The following REDIC1 variants were observed in gnomAD, a reference collection of about 807,000 sequenced individuals.
REDIC1 encodes regulator of DNA class I crossover intermediates 1.
chr12:39,750,745 A>G, the REDIC1 span, among the ~76,000 whole-genome samples: 1 of 152,226 alleles, frequency 6.6e-6, no homozygotes, highest in Non-Finnish European at 1.5e-5. Context: ...CAGAGCCCTC[A>G]GAAATAATGC....
the REDIC1 span, among the ~76,000 whole-genome samples, chr12:39,801,626 G>A: frequency 6.6e-6 from 1 of 152,102 alleles, no homozygotes; most frequent in African/African-American, 2.4e-5. Flanking sequence ...GGAAAAAGAG[G>A]GTAGAATTAG....
At chr12:39,855,146 C>T in the REDIC1 span, among the ~76,000 whole-genome samples, 2 of 152,122 alleles carry the variant, frequency 1.3e-5, no homozygotes, top group African/African-American at 4.8e-5. Flanking sequence ...GGTGTTGAAA[C>T]TATGGTATTA....
At chr12:39,655,012 T>A in the REDIC1 span, among the ~76,000 whole-genome samples, 3 of 152,358 alleles carry the variant, frequency 2.0e-5, no homozygotes, top group South Asian at 2.1e-4. Context: ...CATGATTTGT[T>A]GGCATGAAGT....
the REDIC1 span, among the ~76,000 whole-genome samples, chr12:39,729,751 C>G: frequency 3.9e-5 from 6 of 152,150 alleles, no homozygotes; most frequent in South Asian, 6.2e-4. Flanking sequence ...CTAATATTGA[C>G]AGTGGGGTGC....
At chr12:39,672,263 C>T in the REDIC1 span, among the ~76,000 whole-genome samples, 1 of 152,016 alleles carries the variant, frequency 6.6e-6, no homozygotes, top group Non-Finnish European at 1.5e-5. Flanking sequence ...GTTCTCAGGG[C>T]CCCTGATGGT....
the REDIC1 span, among the ~76,000 whole-genome samples, chr12:39,833,392 C>G: frequency 6.6e-6 from 1 of 152,026 alleles, no homozygotes; most frequent in Admixed American, 6.6e-5. Flanking sequence ...AACTGCTCTG[C>G]TACCTCAAAG....
the REDIC1 span, chr12:39,644,043 T>C: frequency 2.7e-6 from 2 of 745,928 alleles, no homozygotes; most frequent in Non-Finnish European, 4.2e-6. Flanking sequence ...TTGGTTGCTC[T>C]CTTAAATTAG....
chr12:39,848,706 A>G, the REDIC1 span, among the ~76,000 whole-genome samples: 1 of 152,200 alleles, frequency 6.6e-6, no homozygotes, highest in Admixed American at 6.5e-5. Context: ...ATTCTACCAT[A>G]AAGACACATG....
the REDIC1 span, among the ~76,000 whole-genome samples, chr12:39,664,034 C>T: frequency 6.6e-6 from 1 of 151,696 alleles, no homozygotes; most frequent in African/African-American, 2.4e-5. Context: ...AATTCACTTA[C>T]ATATGACAAC....
At chr12:39,828,748 A>C in the REDIC1 span, among the ~76,000 whole-genome samples, 4 of 152,140 alleles carry the variant, frequency 2.6e-5, no homozygotes, top group South Asian at 6.2e-4. Context: ...ACAAAACTCT[A>C]AAGGTTTAAA....
At chr12:39,669,036 G>A in the REDIC1 span, among the ~76,000 whole-genome samples, 1 of 152,052 alleles carries the variant, frequency 6.6e-6, no homozygotes, top group Non-Finnish European at 1.5e-5. Context: ...ATCATCTGAA[G>A]CCTTCTTCTC....
chr12:39,841,268 C>T, the REDIC1 span, among the ~76,000 whole-genome samples: 1 of 152,094 alleles, frequency 6.6e-6, no homozygotes. Context: ...TTTTTCTTTG[C>T]TTTTGCGATT....
chr12:39,686,482 TG>T, the REDIC1 span, among the ~76,000 whole-genome samples: 1 of 152,190 alleles, frequency 6.6e-6, no homozygotes, highest in East Asian at 1.9e-4. Context: ...CTGGAGTGAC[TG>T]GGATACAGGG....
At chr12:39,692,207 C>A in the REDIC1 span, 1 of 1,154,994 alleles carries the variant, frequency 8.7e-7, no homozygotes. Flanking sequence ...TAGATGTTTG[C>A]CAACAAATAT....
At chr12:39,672,659 T>C in the REDIC1 span, among the ~76,000 whole-genome samples, 1 of 152,118 alleles carries the variant, frequency 6.6e-6, no homozygotes, top group African/African-American at 2.4e-5. Flanking sequence ...GTCTTCCTGG[T>C]GTGCTACACC....
At chr12:39,716,139 A>G in the REDIC1 span, among the ~76,000 whole-genome samples, 14 of 152,014 alleles carry the variant, frequency 9.2e-5, no homozygotes, top group South Asian at 2.7e-3. Context: ...GCTTCTCTTG[A>G]TAGCAGACCC....
the REDIC1 span, among the ~76,000 whole-genome samples, chr12:39,715,423 C>A: frequency 6.6e-6 from 1 of 151,666 alleles, no homozygotes; most frequent in Non-Finnish European, 1.5e-5. Flanking sequence ...GGTCTATGTG[C>A]CTATTTTTAT....
chr12:39,692,068 G>T, the REDIC1 span: 5 of 1,578,658 alleles, frequency 3.2e-6, no homozygotes, highest in African/African-American at 6.8e-5. Context: ...GAAGAAGGAG[G>T]AATATATTCT....
the REDIC1 span, among the ~76,000 whole-genome samples, chr12:39,715,727 A>G: frequency 4.6e-5 from 7 of 151,968 alleles, no homozygotes; most frequent in East Asian, 1.4e-3. Context: ...ACTTATTTTC[A>G]TTTGCATGCC....
Sources: allele counts gnomAD v4.1 joint callset (sites outside exome capture counted in the v4.1 genomes callset), GRCh38; gene constraint gnomAD v4.1.1; transcripts MANE v1.5; gene names NCBI Gene and HGNC (gene_info 2026-07-23, HGNC 2026-07-21).